Variants in DHRS4L2 observed in about 807,000 individuals in gnomAD.
The protein encoded by DHRS4L2 is dehydrogenase/reductase 4 like 2.
DHRS4L2 carries 22 observed loss-of-function variants against 23.9 expected under a neutral mutation model. The observed-to-expected ratio is 0.92, with a 90% confidence interval of 0.66 to 1.31. The LOEUF (loss-of-function observed/expected upper bound fraction) is 1.31, where lower values mean the gene tolerates loss of function less well. Among genes scored for constraint, DHRS4L2 ranks in the 40% most tolerant of loss-of-function variants. The pLI, the probability that DHRS4L2 is intolerant of heterozygous loss-of-function variation, is 0.00. For synonymous variants in DHRS4L2, 141 were observed against 123.7 expected (o/e 1.14, Z -0.93); for missense variants, 385 against 303.3 (o/e 1.27, Z -2.00).
At position 24,005,980 on chromosome 14, in the gene DHRS4L2, G is replaced by A. The variant is rs748992996; in HGVS notation, c.*117G>A. 64 of 1,610,052 alleles carry A rather than the reference G, an allele frequency of 4.0e-5. No homozygotes were observed. Among genetic ancestry groups the A allele is most frequent in the Middle Eastern group, 1.6e-4 (1 of 6,074 alleles). On this transcript the variant is annotated 3_prime_UTR_variant, in exon 8 of 8. Transcript: ENST00000335125. The stretch of plus-strand genomic sequence containing the variant: ...TGGGGAAACAGTGGTGGTGGGTGGA[G>A]GAACCCCGTCCCGCCTCTGAGGACC...
upstream of DHRS4L2, among the ~76,000 whole-genome samples, chr14:23,985,031 G>A (rs1566490712): frequency 1.3e-5 from 2 of 151,374 alleles, no homozygotes; most frequent in Non-Finnish European, 2.9e-5. Context: ...TTGACTTAGT[G>A]TAGGCTTGTA....
intron 6 of DHRS4L2, among the ~76,000 whole-genome samples, 192 bp downstream of exon 6, chr14:24,001,709 G>C (rs2138561126): frequency 1.6e-5 from 2 of 126,832 alleles, no homozygotes; most frequent in Admixed American, 1.5e-4. Flanking sequence ...CTGAGGTATA[G>C]GCTGGAGACT....
chr14:23,992,030 C>G (rs1267412518), intron 2 of DHRS4L2, among the ~76,000 whole-genome samples: 1 of 151,530 alleles, frequency 6.6e-6, no homozygotes, highest in Non-Finnish European at 1.5e-5. Context: ...CCACTGTGCC[C>G]GGCCATAGCT....
At chr14:23,986,047 G>A (rs145578551), upstream of DHRS4L2, among the ~76,000 whole-genome samples, 569 of 151,340 alleles carry the variant, frequency 3.8e-3, 11 homozygotes, top group African/African-American at 0.013. Flanking sequence ...CAGTAGAGAC[G>A]AGGTTTCATC....
chr14:23,989,123 T>G (rs56329908), intron 1 of DHRS4L2, 48 bp downstream of exon 1: 190,868 of 1,544,718 alleles, frequency 0.12, 15,843 homozygotes, highest in East Asian at 0.26. Flanking sequence ...CCTGGAAACA[T>G]GCACTGGTGT....
In DHRS4L2 at chr14:23,999,360, A is replaced by C. The variant is rs546148882; in HGVS notation, c.409-1503A>C. Among the ~76,000 whole-genome samples, 23 of 145,104 alleles carry C rather than the reference A, an allele frequency of 1.6e-4. 1 individual carries two copies. In the East Asian group the frequency reaches 2.4e-3, roughly 15 times the overall value. ...TCCAATTTGTAAAAAAAAAAAAAAA[A>C]AAAAAAAAAAAAAACAATATCTGCA... On this transcript the variant is annotated intron_variant, in intron 3 of 7. Transcript: ENST00000335125.
In DHRS4L2 at chr14:24,006,041, T is replaced by C. The variant is rs199548804; in HGVS notation, c.*178T>C. On this transcript the variant is annotated 3_prime_UTR_variant, in exon 8 of 8. Transcript: ENST00000335125. ...CCACAGGCCAGAGTTGGGCTCTAGC[T>C]CCTGGTGCTGTTCCTGCATTCACCC... The C allele has an allele frequency of 1.8e-4, 281 of 1,599,356 alleles. 1 individual carries two copies. Among genetic ancestry groups the C allele is most frequent in the Non-Finnish European group, 1.9e-4 (224 of 1,174,064 alleles).
chr14:23,991,722 C>T (rs2034273586), intron 2 of DHRS4L2, among the ~76,000 whole-genome samples: 2 of 147,926 alleles, frequency 1.4e-5, no homozygotes, highest in South Asian at 4.4e-4. Context: ...AGATAGAGGC[C>T]ATGGGCCTCC....
At chr14:23,991,156 T>A (rs918310276) in intron 2 of DHRS4L2, among the ~76,000 whole-genome samples, 3 of 151,728 alleles carry the variant, frequency 2.0e-5, no homozygotes, top group Non-Finnish European at 2.9e-5. Flanking sequence ...GCTAACAGAT[T>A]GGAAGGTTGG....
rs895815476 is a variant in DHRS4L2, at chr14:23,975,314, T to A, written c.-176+4982T>A. On this transcript the variant is annotated intron_variant, in intron 1 of 5. Transcript: ENST00000534993. Reference sequence around the variant, plus strand: ...AATAGACAGAGAGCCAAATCATGAGTGAAGTCCCATTCACAATTGCTACAA... The same window carrying A: ...AATAGACAGAGAGCCAAATCATGAGAGAAGTCCCATTCACAATTGCTACAA... Among the ~76,000 whole-genome samples, 36 of 151,704 alleles carry A rather than the reference T, an allele frequency of 2.4e-4. 1 individual carries two copies. Among genetic ancestry groups the A allele is most frequent in the Non-Finnish European group, 3.8e-4 (26 of 67,942 alleles).
chr14:23,970,663 TC>T (rs1387682444), intron 1 of DHRS4L2, among the ~76,000 whole-genome samples: 2 of 151,944 alleles, frequency 1.3e-5, no homozygotes, highest in Non-Finnish European at 2.9e-5. Context: ...ACAGACTGCC[TC>T]CCCGAGTGGG....
At chr14:23,970,091 G>A (rs771936459) in exon 1 of DHRS4L2, 62 of 456,460 alleles carry the variant, frequency 1.4e-4, no homozygotes, top group South Asian at 9.2e-4. Flanking sequence ...GGCAGTAGGG[G>A]TCAGGGTGGC....
intron 1 of DHRS4L2, 116 bp from the exon 2 acceptor site, chr14:23,990,066 A>T: frequency 6.7e-7 from 1 of 1,485,140 alleles, no homozygotes; most frequent in Non-Finnish European, 9.1e-7. Flanking sequence ...CACACGTAGG[A>T]GTTATATAGA....
At chr14:23,995,175 A>G in intron 3 of DHRS4L2, 42 bp downstream of exon 3, 1 of 1,598,070 alleles carries the variant, frequency 6.3e-7, no homozygotes, top group Non-Finnish European at 8.6e-7. Context: ...GCCTCGGGAC[A>G]CATTCAGCAC....
intron 1 of DHRS4L2, among the ~76,000 whole-genome samples, chr14:23,974,621 C>T (rs1297738240): frequency 6.6e-6 from 1 of 151,812 alleles, no homozygotes; most frequent in Non-Finnish European, 1.5e-5. Context: ...CTATAAACAC[C>T]TCTATGCAAA....
In DHRS4L2 at chr14:24,001,510, G is replaced by C. The variant is rs754329004; in HGVS notation, c.658G>C (p.Ala220Pro). 2.2e-5 allele frequency: 35 copies of C among 1,602,644 alleles called. 3 individuals carry two copies. The highest frequency in any genetic ancestry group is 1.7e-4 in the Middle Eastern group (1 of 6,038). ...CCTGGACTTATCAAGACTAGCTTCA[G>C]CAGGATGGTGAGGAAGGGGAGCTTT... is the stretch of plus-strand genomic sequence containing the variant. ...LHLDLSRLAS[A>P]GCSGWTRKKR... The change falls in exon 6 of 8, where the codon GCA becomes CCA. Residue 220 changes from alanine to proline, a missense_variant. Transcript: ENST00000335125.
At chr14:23,993,443 C>A (rs976329288) in intron 2 of DHRS4L2, among the ~76,000 whole-genome samples, 14 of 151,712 alleles carry the variant, frequency 9.2e-5, no homozygotes, top group South Asian at 8.4e-4. Flanking sequence ...AGATGGTGTA[C>A]ATTGTTAGTA....
chr14:23,996,529 A>T (rs201334476), intron 3 of DHRS4L2, among the ~76,000 whole-genome samples: 1 of 146,734 alleles, frequency 6.8e-6, no homozygotes, highest in Non-Finnish European at 1.5e-5. Flanking sequence ...AACTATCATC[A>T]AAATAACTTC....
intron 3 of DHRS4L2, among the ~76,000 whole-genome samples, chr14:23,999,032 G>A (rs2034435059): frequency 6.7e-6 from 1 of 149,740 alleles, no homozygotes; most frequent in Non-Finnish European, 1.5e-5. Flanking sequence ...TAATTTCAAT[G>A]TAAATGTGTC....
Sources: allele counts gnomAD v4.1 joint callset (sites outside exome capture counted in the v4.1 genomes callset), GRCh38; gene constraint gnomAD v4.1.1; transcripts MANE v1.5; gene names NCBI Gene and HGNC (gene_info 2026-07-23, HGNC 2026-07-21).